KIAA1755: variants seen among roughly 807,000 people sequenced by gnomAD.
The protein encoded by KIAA1755 is uncharacterized protein KIAA1755.
A neutral mutation model predicts 91.7 loss-of-function variants in KIAA1755; 68 were observed. The ratio of observed to expected loss-of-function variants is 0.74; its 90% CI spans 0.61 to 0.91. KIAA1755 has a LOEUF of 0.91. Among genes scored for constraint, KIAA1755 ranks in the 40% least tolerant of loss-of-function variants. The pLI is 0.00. For missense variants in KIAA1755, 1,535 were observed against 1,494.4 expected (o/e 1.03, Z -0.45); for synonymous variants, 610 against 604.6 (o/e 1.01, Z -0.13).
chr20:38,219,124 T>C (rs778261940), intron 11 of KIAA1755, among the ~76,000 whole-genome samples: 1 of 152,190 alleles, frequency 6.6e-6, no homozygotes, highest in Non-Finnish European at 1.5e-5. Context: ...GAGCCAGGAA[T>C]GAACCAGGGC....
chr20:38,239,822 T>TG, intron 3 of KIAA1755, 97 bp from the exon 4 acceptor site: 5 of 1,108,668 alleles, frequency 4.5e-6, no homozygotes, highest in Non-Finnish European at 6.6e-6. Flanking sequence ...TAATAATAGC[T>TG]TACAACTATT....
At chr20:38,235,025 T>C (rs941061330) in intron 4 of KIAA1755, among the ~76,000 whole-genome samples, 7 of 152,012 alleles carry the variant, frequency 4.6e-5, no homozygotes, top group African/African-American at 1.5e-4. Flanking sequence ...TGCTGAAAAA[T>C]GTGTTGCATC....
Position 38,241,255 on chromosome 20 carries a change from C to T in KIAA1755, c.876G>A (p.Arg292=), listed in dbSNP as rs2076057029. 1.9e-6 allele frequency: 3 copies of T among 1,614,160 alleles called. No individual in the cohort carries two copies. Among genetic ancestry groups the T allele is most frequent in the Non-Finnish European group, 1.7e-6 (2 of 1,180,036 alleles). ...TACACCCACTGGATGTGCCTGCCTCCCTACTGGGAGACTCTCCTCTGCTCT... is the reference window on the plus strand; with the variant it reads ...TACACCCACTGGATGTGCCTGCCTCTCTACTGGGAGACTCTCCTCTGCTCT... ...SQESRGESPS[R]EAGTSSGCTS... The change falls in exon 3 of 14, where the codon AGG becomes AGA. Residue 292 remains arginine (R), a synonymous_variant. Coordinates refer to ENST00000279024, the MANE Select transcript of KIAA1755 (RefSeq NM_001029864.2).
chr20:38,252,618 G>A (rs2076270480), intron 1 of KIAA1755, among the ~76,000 whole-genome samples: 1 of 152,124 alleles, frequency 6.6e-6, no homozygotes, highest in Admixed American at 6.5e-5. Flanking sequence ...GGGGACTGAC[G>A]ATCCCAGCTG....
In KIAA1755 at chr20:38,219,710, G is replaced by A; in HGVS notation, c.2476C>T (p.Leu826=). 6.2e-7 allele frequency: 1 copy of A among 1,614,136 alleles called. No individual in the cohort carries two copies. The highest frequency in any genetic ancestry group is 1.1e-5 in the South Asian group (1 of 91,090). Residue 826 remains leucine (L), a synonymous_variant, in exon 11 of 14, where the codon CTG becomes TTG. Transcript: ENST00000279024. ...AGGAGGCTGTTGGAAGCGGTGACCA[G>A]AACATGAAGCTGCTCGTCCACAAGG... ...YSLVDEQLHV[L]VTASNSLLGK...
intron 2 of KIAA1755, 80 bp from the exon 3 acceptor site, chr20:38,242,009 C>G: frequency 7.0e-7 from 1 of 1,426,754 alleles, no homozygotes; most frequent in Non-Finnish European, 9.6e-7. Context: ...CCCTCTCCCA[C>G]GTGGAATCTG....
chr20:38,255,147 AG>A (rs1443389061), intron 1 of KIAA1755, among the ~76,000 whole-genome samples: 2 of 152,040 alleles, frequency 1.3e-5, no homozygotes, highest in Non-Finnish European at 2.9e-5. Flanking sequence ...ACTGCACCCC[AG>A]CCTGGGTGAC....
intron 11 of KIAA1755, among the ~76,000 whole-genome samples, chr20:38,218,885 T>C (rs1186026207): frequency 6.6e-6 from 1 of 152,120 alleles, no homozygotes; most frequent in Non-Finnish European, 1.5e-5. Context: ...AGTGGTAAAA[T>C]GGGGTAGACA....
At chr20:38,224,180 C>T (rs1171188554) in intron 8 of KIAA1755, among the ~76,000 whole-genome samples, 2 of 152,104 alleles carry the variant, frequency 1.3e-5, no homozygotes, top group East Asian at 3.9e-4. Flanking sequence ...GGATTAAACC[C>T]ATTAATATAT....
chr20:38,228,164 C>A lies in KIAA1755; in HGVS notation c.1948G>T (p.Ala650Ser). 1 of 1,604,536 alleles carries A rather than the reference C, an allele frequency of 6.2e-7. No homozygotes were observed. The part of the protein sequence containing the change: ...RQPPQPGLVS[A>S]LQATQAQVPA... Reference sequence around the variant, plus strand: ...CCACTCACCTGGGTGGCCTGCAGGGCGCTGACCAGACCGGGCTGTGGGGGC... The same window carrying A: ...CCACTCACCTGGGTGGCCTGCAGGGAGCTGACCAGACCGGGCTGTGGGGGC... Residue 650 changes from alanine to serine, a missense_variant, in exon 6 of 14, where the codon GCC becomes TCC. Transcript: ENST00000279024.
intron 1 of KIAA1755, among the ~76,000 whole-genome samples, chr20:38,259,029 C>A (rs74416780): frequency 0.027 from 4,034 of 152,220 alleles, 78 homozygotes; most frequent in East Asian, 0.06. Flanking sequence ...AGAATTCAGA[C>A]TGTCCTAACT....
In KIAA1755 at chr20:38,222,578, C is replaced by T; in HGVS notation, c.2288G>A (p.Ser763Asn). ...AGCCTCCATCAGCTCCTTGGACTTGCTCAGGCACCTGGTAGCCTCCTGCCA... is the reference window on the plus strand; with the variant it reads ...AGCCTCCATCAGCTCCTTGGACTTGTTCAGGCACCTGGTAGCCTCCTGCCA... ...GGMQEATRCL[S>N]KSKELMEAVL... Residue 763 changes from serine (S) to asparagine (N), a missense_variant, in exon 10 of 14, where the codon AGC becomes AAC. Transcript: ENST00000279024. 1 of 1,612,848 alleles carries T rather than the reference C, an allele frequency of 6.2e-7. No homozygotes were observed. The highest frequency in any genetic ancestry group is 8.5e-7 in the Non-Finnish European group (1 of 1,179,988).
chr20:38,237,803 G>A (rs1271669456), intron 4 of KIAA1755, among the ~76,000 whole-genome samples: 1 of 151,776 alleles, frequency 6.6e-6, no homozygotes, highest in Admixed American at 6.6e-5. Context: ...AAACCCGGCG[G>A]GGAGAAGTTG....
chr20:38,245,381 G>A (rs1206734098), intron 2 of KIAA1755, among the ~76,000 whole-genome samples: 2 of 152,202 alleles, frequency 1.3e-5, no homozygotes, highest in Non-Finnish European at 2.9e-5. Context: ...TGGGCCTGAG[G>A]CCTGATCCAC....
rs374135898 is a variant in KIAA1755, at chr20:38,238,203, T to C, written c.1747+1325A>G. On this transcript the variant is annotated intron_variant, in intron 4 of 13. Coordinates refer to ENST00000279024, the MANE Select transcript of KIAA1755 (RefSeq NM_001029864.2). ...GGACAAAATCTGAGCCCTTGGCCCA[T>C]GATGGCCCTAAGAGGATCATGAGAT... 7.2e-5 allele frequency among the ~76,000 whole-genome samples: 11 copies of C among 152,246 alleles called. No individual in the cohort carries two copies. The East Asian group carries it at 1.4e-3, about 19-fold the overall frequency.
At chr20:38,219,825 C>A in intron 10 of KIAA1755, 57 bp from the exon 11 acceptor site, 1 of 1,602,420 alleles carries the variant, frequency 6.2e-7, no homozygotes, top group African/African-American at 1.3e-5. Flanking sequence ...CCCTGCTGTA[C>A]TTCTGTCCCG....
At chr20:38,246,455 GGT>G (rs1268915358) in intron 1 of KIAA1755, among the ~76,000 whole-genome samples, 1 of 144,304 alleles carries the variant, frequency 6.9e-6, no homozygotes, top group Non-Finnish European at 1.5e-5. Context: ...GAGGAATAGG[GGT>G]GGGGGGTGGG....
intron 8 of KIAA1755, among the ~76,000 whole-genome samples, chr20:38,224,043 A>G (rs2075710995): frequency 6.6e-6 from 1 of 152,172 alleles, no homozygotes; most frequent in Non-Finnish European, 1.5e-5. Flanking sequence ...GCTGAGTCCC[A>G]CTTCGGCCCA....
intron 10 of KIAA1755, 150 bp from the exon 11 acceptor site, chr20:38,219,918 A>G: frequency 1.0e-6 from 1 of 966,274 alleles, no homozygotes. Context: ...GCCCTTCACC[A>G]AGGGCCTCAG....
Sources: gnomAD v4.1 joint callset for allele counts (sites outside exome capture counted in the v4.1 genomes callset) on GRCh38, gnomAD v4.1.1 for gene constraint, MANE v1.5 for transcripts, NCBI Gene and HGNC (gene_info 2026-07-23, HGNC 2026-07-21) for gene names.